The following DSTYK variants were observed in gnomAD, a reference collection of about 807,000 sequenced individuals.
DSTYK encodes dual serine/threonine and tyrosine protein kinase.
In DSTYK, 34 loss-of-function variants were observed where a neutral mutation model predicts 98.7. The observed-to-expected ratio is 0.34, with a 90% CI of 0.26 to 0.46. DSTYK has a LOEUF of 0.46. Among genes scored for constraint, DSTYK ranks in the 20% least tolerant of loss-of-function variants. The probability of loss-of-function intolerance (pLI) is 1.00; values close to 1 mark genes in which losing one functional copy is unlikely to be tolerated. For synonymous variants in DSTYK, 462 were observed against 457.3 expected, an observed-to-expected ratio of 1.01 and a Z score of -0.13; for missense variants, 962 against 1,181.7, an observed-to-expected ratio of 0.81 and a Z score of 2.73.
chr1:205,185,625 T>C (rs1171265642), intron 2 of DSTYK, among the ~76,000 whole-genome samples: 23 of 152,244 alleles, frequency 1.5e-4, no homozygotes, highest in Non-Finnish European at 3.2e-4. Flanking sequence ...TCAGTATGTA[T>C]TGCAGAAAGC....
intron 1 of DSTYK, among the ~76,000 whole-genome samples, chr1:205,209,461 AC>A (rs1335662692): frequency 1.4e-5 from 2 of 137,980 alleles, no homozygotes; most frequent in Non-Finnish European, 3.3e-5. Flanking sequence ...ATATTTCTGG[AC>A]GTAAGATGTC....
At position 205,150,929 on chromosome 1, in the gene DSTYK, T is replaced by C; in HGVS notation, c.2353-135A>G. 2 of 729,936 alleles carry C rather than the reference T, an allele frequency of 2.7e-6. No individual in the cohort carries two copies. The highest frequency in any genetic ancestry group is 4.8e-6 in the Non-Finnish European group (2 of 418,490). The allele number at this position is 729,936 out of a possible 1,614,324, so 45.2% of individuals were successfully genotyped here. ...TATGCTCTGAAAATGAGTTGTCAGG[T>C]GATTTCATCCTTGTACAAACACCAG... On this transcript the variant is annotated intron_variant, in intron 10 of 12. Transcript: ENST00000367162. This position sits in a 1 kb window ranked among gnomAD's most constrained non-coding sequence, Gnocchi z 4.1.
intron 1 of DSTYK, among the ~76,000 whole-genome samples, chr1:205,197,838 A>G (rs1658910899): frequency 6.6e-6 from 1 of 152,216 alleles, no homozygotes; most frequent in African/African-American, 2.4e-5. Flanking sequence ...ATAGACCAAC[A>G]TGATGCTCCA....
At chr1:205,163,169 ACTAT>A (rs1005353769) in intron 4 of DSTYK, among the ~76,000 whole-genome samples, 163 bp from the exon 5 acceptor site, 2 of 152,034 alleles carry the variant, frequency 1.3e-5, no homozygotes, top group African/African-American at 4.8e-5. Flanking sequence ...TTATTTTGTG[ACTAT>A]CTAGCCCCTT....
chr1:205,148,849 G>T (rs1018261407), intron 11 of DSTYK, among the ~76,000 whole-genome samples: 1 of 151,000 alleles, frequency 6.6e-6, no homozygotes, highest in Admixed American at 6.6e-5. Context: ...AACAATAAAA[G>T]AAATTTAAGT....
Position 205,157,263 on chromosome 1 carries a change from T to C in DSTYK, c.2352+10A>G. The C allele has an allele frequency of 6.2e-7, 1 of 1,612,874 alleles. No homozygotes were observed. Among genetic ancestry groups the C allele is most frequent in the Non-Finnish European group, 8.5e-7 (1 of 1,178,878 alleles). ...TAGGGTATAATCTTGGGGAAACAGC[T>C]TTTACTTACCAGCACATTTTTCAGT... On this transcript the variant is annotated intron_variant, in intron 10 of 12. Coordinates refer to ENST00000367162, the MANE Select transcript of DSTYK (RefSeq NM_015375.3).
intron 5 of DSTYK, 133 bp downstream of exon 5, chr1:205,162,790 G>T: frequency 1.5e-6 from 1 of 682,218 alleles, no homozygotes. Context: ...AATTCTCCCA[G>T]GCAGGCAAAC....
chr1:205,202,114 G>A (rs2102477330), intron 1 of DSTYK: 2 of 447,982 alleles, frequency 4.5e-6, no homozygotes, highest in East Asian at 1.2e-4. Context: ...GGGGAAGGGA[G>A]AAGGGGAAGG....
intron 7 of DSTYK, 81 bp downstream of exon 7, chr1:205,161,177 T>C: frequency 6.4e-7 from 1 of 1,554,972 alleles, no homozygotes. Flanking sequence ...CTTTAGACAC[T>C]AGGATTCTCT....
At chr1:205,211,164 C>T in intron 1 of DSTYK, 107 bp downstream of exon 1, 1 of 1,450,430 alleles carries the variant, frequency 6.9e-7, no homozygotes, top group Non-Finnish European at 9.0e-7. Context: ...ACGACTGCCC[C>T]TTTCCGCCTG....
intron 10 of DSTYK, 87 bp downstream of exon 10, chr1:205,157,186 A>G: frequency 8.9e-7 from 1 of 1,121,146 alleles, no homozygotes; most frequent in South Asian, 1.4e-5. Flanking sequence ...GACTTTTCTT[A>G]GGATCTAACT....
intron 1 of DSTYK, among the ~76,000 whole-genome samples, chr1:205,198,900 C>T (rs1463375136): frequency 1.3e-5 from 2 of 149,826 alleles, no homozygotes; most frequent in African/African-American, 2.5e-5. Flanking sequence ...GGCGCGATCT[C>T]GACTCACTTC....
intron 10 of DSTYK, among the ~76,000 whole-genome samples, chr1:205,151,579 C>T (rs1657406210): frequency 6.6e-6 from 1 of 151,902 alleles, no homozygotes; most frequent in African/African-American, 2.4e-5. Flanking sequence ...GCTCTTCCCA[C>T]CTCGGCTTCC....
intron 11 of DSTYK, among the ~76,000 whole-genome samples, chr1:205,149,806 C>T (rs558678497): frequency 3.2e-4 from 48 of 152,312 alleles, no homozygotes; most frequent in Admixed American, 8.5e-4. Flanking sequence ...TATTTTATCT[C>T]CAACCTTGTT....
intron 1 of DSTYK, among the ~76,000 whole-genome samples, chr1:205,204,935 G>A (rs1386813207): frequency 6.6e-6 from 1 of 152,142 alleles, no homozygotes; most frequent in African/African-American, 2.4e-5. Context: ...AAGTCACACA[G>A]TTAAAAAGAG....
intron 9 of DSTYK, among the ~76,000 whole-genome samples, chr1:205,157,894 A>G (rs1225684130): frequency 2.6e-5 from 4 of 152,210 alleles, no homozygotes; most frequent in Non-Finnish European, 5.9e-5. Context: ...AGCCGAACAG[A>G]TAACTTCAAA....
chr1:205,154,212 A>G (rs1271210320), intron 10 of DSTYK, among the ~76,000 whole-genome samples: 3 of 152,070 alleles, frequency 2.0e-5, no homozygotes, highest in Non-Finnish European at 4.4e-5. Context: ...GTGTAGGGGG[A>G]AAAAACCTTA....
Position 205,173,587 on chromosome 1 carries a change from ATT to A in DSTYK, c.655-3757_655-3756del, listed in dbSNP as rs148353326. On this transcript the variant is annotated intron_variant, in intron 2 of 12. Coordinates refer to ENST00000367162, the MANE Select transcript of DSTYK (RefSeq NM_015375.3). ...GTATTGTTTAGAAATTTCAGGAAGA[ATT>A]TTGTTTGTTTTTTCTGATGGATTAT... Among the ~76,000 whole-genome samples, 10 of 152,266 alleles carry A rather than the reference ATT, an allele frequency of 6.6e-5. No homozygotes were observed. The East Asian group carries it at 1.9e-3, about 29-fold the overall frequency.
chr1:205,151,288 T>A (rs749297783), intron 10 of DSTYK, among the ~76,000 whole-genome samples: 4 of 152,234 alleles, frequency 2.6e-5, no homozygotes, highest in Non-Finnish European at 5.9e-5. Context: ...ATAAACACTG[T>A]ATATTTAGGC....
Sources: allele counts gnomAD v4.1 joint callset (sites outside exome capture counted in the v4.1 genomes callset), GRCh38; gene constraint gnomAD v4.1.1; non-coding constraint Gnocchi (gnomAD v3.1); transcripts MANE v1.5; gene names NCBI Gene and HGNC (gene_info 2026-07-23, HGNC 2026-07-21).